ALX4: variants seen among roughly 807,000 people sequenced by gnomAD.
The protein encoded by ALX4 is homeobox protein aristaless-like 4.
Under a neutral mutation model 40.6 loss-of-function variants are expected in ALX4, and 22 were observed. That is an observed-to-expected ratio of 0.54 (90% confidence interval 0.39 to 0.77). The LOEUF (loss-of-function observed/expected upper bound fraction) is 0.77, where lower values mean the gene tolerates loss of function less well. ALX4 is among the 30% of genes least tolerant of loss of function. The pLI, the probability that ALX4 is intolerant of heterozygous loss-of-function variation, is 0.00. For missense variants in ALX4, 556 were observed against 564.8 expected (o/e 0.98, Z 0.16); for synonymous variants, 266 against 240.5 (o/e 1.11, Z -0.98).
chr11:44,298,707 C>T (rs947584619), intron 1 of ALX4, among the ~76,000 whole-genome samples: 20 of 152,114 alleles, frequency 1.3e-4, no homozygotes, highest in African/African-American at 3.9e-4. Context: ...GGTACTCCTC[C>T]GACTGCTAGA....
Position 44,275,408 on chromosome 11 carries a change from T to A in ALX4, c.717A>T (p.Pro239=). 2 of 1,614,202 alleles carry A rather than the reference T, an allele frequency of 1.2e-6. No homozygotes were observed. The highest frequency in any genetic ancestry group is 8.5e-7 in the Non-Finnish European group (1 of 1,180,034). The change falls in exon 2 of 4, where the codon CCA becomes CCT. Residue 239 remains proline, a synonymous_variant. Coordinates refer to ENST00000652299, the MANE Select transcript of ALX4 (RefSeq NM_021926.4). ...CCAGCTGTTCCCGCGCATACACGTC[T>A]GGGTAGTGGGTCTTCTGGAAGACCT... ...LEKVFQKTHY[P]DVYAREQLAM...
chr11:44,274,809 T>C (rs1956268172), intron 2 of ALX4, among the ~76,000 whole-genome samples: 1 of 152,246 alleles, frequency 6.6e-6, no homozygotes, highest in African/African-American at 2.4e-5. Flanking sequence ...GGGGGGCTAC[T>C]GCTTTAGCCA....
At chr11:44,275,284 G>A (rs1956270947) in intron 2 of ALX4, 64 bp downstream of exon 2, 2 of 1,571,956 alleles carry the variant, frequency 1.3e-6, no homozygotes, top group South Asian at 2.2e-5. Flanking sequence ...GACCCCAACT[G>A]CAGCCAAGAG....
chr11:44,272,269 G>A (rs927974748), intron 2 of ALX4, among the ~76,000 whole-genome samples: 42 of 14,620 alleles, frequency 2.9e-3, no homozygotes, highest in African/African-American at 4.3e-3. Flanking sequence ...ACTTTGGGAG[G>A]CTGAGGTGGT....
intron 2 of ALX4, among the ~76,000 whole-genome samples, chr11:44,269,239 G>A (rs1277508213): frequency 6.6e-6 from 1 of 152,222 alleles, no homozygotes; most frequent in Non-Finnish European, 1.5e-5. Flanking sequence ...TATTGCCAAG[G>A]GCCTCAGTTT....
At chr11:44,268,768 G>C (rs1956227970) in intron 2 of ALX4, among the ~76,000 whole-genome samples, 1 of 152,196 alleles carries the variant, frequency 6.6e-6, no homozygotes, top group Non-Finnish European at 1.5e-5. Context: ...AATGGCTTTA[G>C]GCTGATTCAG....
At chr11:44,277,511 C>A (rs78409365) in intron 1 of ALX4, among the ~76,000 whole-genome samples, 1 of 152,184 alleles carries the variant, frequency 6.6e-6, no homozygotes, top group Admixed American at 6.5e-5. Context: ...ACAACAAGCA[C>A]GTGTGGTAGG....
rs760676423 is a variant in ALX4, at chr11:44,275,379, A to G, written c.746T>C (p.Met249Thr). ...GCGGGCCTCAGTGAGGTCTGTCCTC[A>G]TGGCCAGCTGTTCCCGCGCATACAC... ...PDVYAREQLA[M>T]RTDLTEARVQ... The change falls in exon 2 of 4, where the codon ATG (methionine) becomes ACG (threonine). Residue 249 changes from methionine to threonine, a missense_variant. Physicochemically the swap from Met to Thr is moderately conservative, Grantham distance 81. Transcript: ENST00000652299. 8.7e-6 allele frequency: 14 copies of G among 1,614,174 alleles called. No individual in the cohort carries two copies. The highest frequency in any genetic ancestry group is 1.6e-4 in the Middle Eastern group (1 of 6,062).
At chr11:44,280,564 T>G (rs186118964) in intron 1 of ALX4, among the ~76,000 whole-genome samples, 1 of 152,170 alleles carries the variant, frequency 6.6e-6, no homozygotes, top group East Asian at 1.9e-4. Context: ...CCTCCCATGA[T>G]GAGTTTGTCC....
At chr11:44,280,120 G>T (rs1956300759) in intron 1 of ALX4, among the ~76,000 whole-genome samples, 2 of 152,186 alleles carry the variant, frequency 1.3e-5, no homozygotes, top group South Asian at 4.1e-4. Flanking sequence ...ACGCAATGAC[G>T]AATGCCACCA....
At chr11:44,297,423 T>C (rs1226021954) in intron 1 of ALX4, among the ~76,000 whole-genome samples, 3 of 151,830 alleles carry the variant, frequency 2.0e-5, no homozygotes, top group African/African-American at 7.3e-5. Context: ...TGGTAGAAAA[T>C]AAATGGCCCA....
At chr11:44,283,056 G>A (rs541851938) in intron 1 of ALX4, among the ~76,000 whole-genome samples, 1 of 152,266 alleles carries the variant, frequency 6.6e-6, no homozygotes, top group South Asian at 2.1e-4. Flanking sequence ...AGACCAGCCT[G>A]GCCAACACGG....
chr11:44,295,600 C>T (rs1000993735), intron 1 of ALX4, among the ~76,000 whole-genome samples: 6 of 152,166 alleles, frequency 3.9e-5, no homozygotes, highest in African/African-American at 1.4e-4. Context: ...CACTGGATGG[C>T]CTAGGGTAGG....
At chr11:44,299,958 C>A (rs10769036) in intron 1 of ALX4, among the ~76,000 whole-genome samples, 63,500 of 152,002 alleles carry the variant, frequency 0.42, 13,687 homozygotes, top group Admixed American at 0.51. Flanking sequence ...TACTGCCTGG[C>A]GCACAGGCAG....
At position 44,265,130 on chromosome 11, in the gene ALX4, G is replaced by A. The variant is rs574187575; in HGVS notation, c.960C>T (p.Ala320=). 10 of 1,609,234 alleles carry A rather than the reference G, an allele frequency of 6.2e-6. No individual in the cohort carries two copies. In the South Asian group the frequency reaches 1.1e-4, roughly 18 times the overall value. The change falls in exon 4 of 4, where the codon GCC becomes GCT. Residue 320 remains alanine (A), a synonymous_variant. Coordinates refer to ENST00000652299, the MANE Select transcript of ALX4 (RefSeq NM_021926.4). The part of the protein sequence containing the change: ...GNNGAASPVP[A]CVVPCDPVPA... ...GCACCGGGTCGCAGGGGACCACGCA[G>A]GCTGGCACTGGTGAGGCAGCCCCGT...
At chr11:44,274,632 TGTTGGGTTGCACTGA>T (rs758728766) in intron 2 of ALX4, among the ~76,000 whole-genome samples, 3 of 152,252 alleles carry the variant, frequency 2.0e-5, no homozygotes, top group Non-Finnish European at 1.5e-5. Flanking sequence ...GGTTGTGTTG[TGTTGGGTTGCACTGA>T]GTTGGGTTGA....
At chr11:44,276,691 A>AT (rs1956280067) in intron 1 of ALX4, among the ~76,000 whole-genome samples, 1 of 152,024 alleles carries the variant, frequency 6.6e-6, no homozygotes. Context: ...GTGGAAGATA[A>AT]TTTTTTCCAT....
At chr11:44,274,170 T>G (rs1420230798) in intron 2 of ALX4, among the ~76,000 whole-genome samples, 1 of 152,140 alleles carries the variant, frequency 6.6e-6, no homozygotes, top group African/African-American at 2.4e-5. Context: ...TTTAAAAAAT[T>G]TTTAAGAAGA....
chr11:44,267,107 T>G (rs1956217595), intron 3 of ALX4, among the ~76,000 whole-genome samples: 1 of 152,130 alleles, frequency 6.6e-6, no homozygotes, highest in Non-Finnish European at 1.5e-5. Flanking sequence ...CCAAGCTCAT[T>G]CCAACTTGGC....
Sources: gnomAD v4.1 joint callset for allele counts (sites outside exome capture counted in the v4.1 genomes callset) on GRCh38, gnomAD v4.1.1 for gene constraint, MANE v1.5 for transcripts, NCBI Gene and HGNC (gene_info 2026-07-23, HGNC 2026-07-21) for gene names.